TTC28: variants seen among roughly 807,000 people sequenced by gnomAD.
TTC28 encodes the protein tetratricopeptide repeat protein 28.
Under a neutral mutation model 198.0 loss-of-function variants are expected in TTC28, and 61 were observed. The ratio of observed to expected loss-of-function variants is 0.31; its 90% CI spans 0.25 to 0.38. The LOEUF is 0.38. Among genes scored for constraint, TTC28 ranks in the 10% least tolerant of loss-of-function variants. The pLI is 1.00. For missense variants in TTC28, 2,678 were observed against 3,164.0 expected, an observed-to-expected ratio of 0.85 and a Z score of 3.69; for synonymous variants, 1,171 against 1,297.8, an observed-to-expected ratio of 0.90 and a Z score of 2.10.
At chr22:28,560,150 T>C (rs998524483) in intron 2 of TTC28, among the ~76,000 whole-genome samples, 3 of 152,214 alleles carry the variant, frequency 2.0e-5, no homozygotes, top group Admixed American at 1.3e-4. Context: ...CCTCGCTTTC[T>C]TTCACAACCC....
At chr22:27,991,996 C>T (rs1601489418) in intron 19 of TTC28, among the ~76,000 whole-genome samples, 1 of 152,334 alleles carries the variant, frequency 6.6e-6, no homozygotes, top group East Asian at 1.9e-4. Flanking sequence ...GTGGGAACAC[C>T]TGCAGCCATC....
At chr22:28,365,926 C>G (rs1392015156) in intron 2 of TTC28, among the ~76,000 whole-genome samples, 1 of 152,178 alleles carries the variant, frequency 6.6e-6, no homozygotes, top group Admixed American at 6.5e-5. Flanking sequence ...TTAAATGTCA[C>G]TTACCACAAG....
intron 2 of TTC28, among the ~76,000 whole-genome samples, chr22:28,462,896 G>T (rs1043837366): frequency 6.6e-6 from 1 of 152,096 alleles, no homozygotes; most frequent in Admixed American, 6.5e-5. Context: ...TAGAGACCAG[G>T]CTTTGAGAAA....
At position 28,032,222 on chromosome 22, in the gene TTC28, T is replaced by TATATATATATAAA. The variant is rs1177725883; in HGVS notation, c.3933-1869_3933-1857dup. Among the ~76,000 whole-genome samples, 283 of 122,438 alleles carry TATATATATATAAA rather than the reference T, an allele frequency of 2.3e-3. 2 individuals carry two copies. Among genetic ancestry groups the TATATATATATAAA allele is most frequent in the African/African-American group, 6.2e-3 (183 of 29,294 alleles). The allele number at this position is 122,438 out of a possible 152,430, so 80.3% of individuals were successfully genotyped here. A position where few individuals can be genotyped will look rare whatever the true frequency, so the allele number is the denominator to read the frequency against. ...ATATATAAAATATATATATATAAAA[T>TATATATATATAAA]ATATATATATAAAATATATATATAT... On this transcript the variant is annotated intron_variant, in intron 12 of 22. Transcript: ENST00000397906.
At chr22:28,449,885 T>C (rs1191112719) in intron 2 of TTC28, among the ~76,000 whole-genome samples, 1 of 152,120 alleles carries the variant, frequency 6.6e-6, no homozygotes. Flanking sequence ...AGAGCCTGTT[T>C]CATGAAAGGA....
At chr22:28,236,112 T>TC (rs770037302) in intron 5 of TTC28, among the ~76,000 whole-genome samples, 1 of 152,108 alleles carries the variant, frequency 6.6e-6, no homozygotes, top group Non-Finnish European at 1.5e-5. Flanking sequence ...AGCAACATCT[T>TC]CCCCACAGAT....
chr22:28,535,487 C>G (rs2049246684), intron 2 of TTC28, among the ~76,000 whole-genome samples: 1 of 152,138 alleles, frequency 6.6e-6, no homozygotes, highest in African/African-American at 2.4e-5. Context: ...CTTTGAGATT[C>G]ATTAATGTTT....
intron 6 of TTC28, among the ~76,000 whole-genome samples, chr22:28,141,713 G>A (rs1307786616): frequency 2.6e-5 from 4 of 152,070 alleles, no homozygotes; most frequent in African/African-American, 9.7e-5. Context: ...TATCAACTCT[G>A]ACATAAGAAT....
At chr22:28,206,253 TAAG>T (rs1244731533) in intron 5 of TTC28, among the ~76,000 whole-genome samples, 1 of 152,120 alleles carries the variant, frequency 6.6e-6, no homozygotes, top group Non-Finnish European at 1.5e-5. Flanking sequence ...GGGAGAAACT[TAAG>T]AAGGTTGTGG....
At chr22:28,603,733 C>T (rs5762712) in intron 2 of TTC28, among the ~76,000 whole-genome samples, 1,588 of 152,038 alleles carry the variant, frequency 0.01, 80 homozygotes, top group Admixed American at 0.075. Flanking sequence ...TAAAAACAAT[C>T]CTTATAACAG....
chr22:28,673,840 G>A (rs933831063), intron 1 of TTC28, among the ~76,000 whole-genome samples: 1 of 152,142 alleles, frequency 6.6e-6, no homozygotes, highest in African/African-American at 2.4e-5. Context: ...GCACCCAGCT[G>A]CTGAAGAGAC....
At position 28,537,301 on chromosome 22, in the gene TTC28, A is replaced by AACATAACATAACATAAC. The variant is rs2049306156; in HGVS notation, c.381+92250_381+92251insGTTATGTTATGTTATGT. On this transcript the variant is annotated intron_variant, in intron 2 of 22. Transcript: ENST00000397906. ...GAGCCAGACTCCGTCTCAAAAATAA[A>AACATAACATAACATAAC]ATAAAATAAAATAAAATAAAATAAA... Among the ~76,000 whole-genome samples the AACATAACATAACATAAC allele has an allele frequency of 1.0e-4, 13 of 124,162 alleles. 1 individual carries two copies. In the East Asian group the frequency reaches 2.8e-3, roughly 26 times the overall value. The allele number at this position is 124,162 out of a possible 152,430, so 81.5% of individuals were successfully genotyped here.
intron 5 of TTC28, among the ~76,000 whole-genome samples, chr22:28,278,806 T>C (rs541666288): frequency 6.6e-6 from 1 of 152,370 alleles, no homozygotes; most frequent in Non-Finnish European, 1.5e-5. Context: ...TAGGATAATG[T>C]GCACTCCATT....
chr22:28,208,116 C>A (rs568674002), intron 5 of TTC28, among the ~76,000 whole-genome samples: 2 of 152,138 alleles, frequency 1.3e-5, no homozygotes, highest in Non-Finnish European at 1.5e-5. Context: ...CATTTTGTAA[C>A]CTGCCCAAAA....
chr22:28,017,992 C>T (rs1443498914), intron 13 of TTC28, among the ~76,000 whole-genome samples: 2 of 152,340 alleles, frequency 1.3e-5, no homozygotes, highest in East Asian at 3.9e-4. Flanking sequence ...CCGCCAAGCC[C>T]ACCTGTGCCC....
chr22:28,327,170 T>C (rs2045545531), intron 2 of TTC28, among the ~76,000 whole-genome samples: 1 of 152,214 alleles, frequency 6.6e-6, no homozygotes, highest in Non-Finnish European at 1.5e-5. Flanking sequence ...CAAAATTAAA[T>C]TATGTGACTA....
chr22:28,362,353 T>C (rs577759526), intron 2 of TTC28, among the ~76,000 whole-genome samples: 2 of 152,272 alleles, frequency 1.3e-5, no homozygotes, highest in East Asian at 1.9e-4. Context: ...CCTCCTTGCC[T>C]TCTGCCATGA....
At chr22:28,547,792 A>T (rs1297924077) in intron 2 of TTC28, among the ~76,000 whole-genome samples, 1 of 151,910 alleles carries the variant, frequency 6.6e-6, no homozygotes, top group Non-Finnish European at 1.5e-5. Flanking sequence ...CTCTACAGAC[A>T]TGTATCATTT....
At chr22:28,152,880 TAAAG>T (rs1467002823) in intron 6 of TTC28, among the ~76,000 whole-genome samples, 1 of 152,160 alleles carries the variant, frequency 6.6e-6, no homozygotes, top group Non-Finnish European at 1.5e-5. Context: ...TAAAAAACAT[TAAAG>T]AGAGTTATTG....
Sources: gnomAD v4.1 joint callset for allele counts (sites outside exome capture counted in the v4.1 genomes callset) on GRCh38, gnomAD v4.1.1 for gene constraint, MANE v1.5 for transcripts, NCBI Gene and HGNC (gene_info 2026-07-23, HGNC 2026-07-21) for gene names.